NCAM2: variants seen among roughly 807,000 people sequenced by gnomAD.
NCAM2 encodes the protein neural cell adhesion molecule 2.
In NCAM2, 30 loss-of-function variants were observed where a neutral mutation model predicts 98.1. The observed-to-expected ratio is 0.31, with a 90% CI of 0.23 to 0.41. The LOEUF is 0.41. Among genes scored for constraint, NCAM2 ranks in the 10% least tolerant of loss-of-function variants. NCAM2 has a pLI of 1.00. For missense variants in NCAM2, 867 were observed against 1,005.8 expected (o/e 0.86, Z 1.87); for synonymous variants, 368 against 342.4 (o/e 1.07, Z -0.83).
At chr21:21,388,566 C>T (rs1291626759) in intron 9 of NCAM2, among the ~76,000 whole-genome samples, 1 of 152,124 alleles carries the variant, frequency 6.6e-6, no homozygotes, top group Non-Finnish European at 1.5e-5. Context: ...ATGTGCTGTC[C>T]AGTCCGGCAG....
intron 1 of NCAM2, among the ~76,000 whole-genome samples, chr21:21,073,895 A>G (rs924807699): frequency 2.6e-5 from 4 of 152,208 alleles, no homozygotes; most frequent in Admixed American, 6.5e-5. Flanking sequence ...ATGTTACAGA[A>G]GACGAACCTG....
chr21:21,306,406 T>C (rs2073880879), intron 5 of NCAM2, among the ~76,000 whole-genome samples: 1 of 152,192 alleles, frequency 6.6e-6, no homozygotes, highest in Non-Finnish European at 1.5e-5. Context: ...TCCTGATGAA[T>C]TGACGTCTTT....
chr21:21,508,740 T>C (rs1988148427), intron 15 of NCAM2, 111 bp from the exon 16 acceptor site: 1 of 837,028 alleles, frequency 1.2e-6, no homozygotes, highest in East Asian at 2.9e-5. Context: ...AATTGAATTA[T>C]TGGAAAAGAT....
intron 1 of NCAM2, among the ~76,000 whole-genome samples, chr21:21,054,256 A>C (rs994732621): frequency 1.3e-5 from 2 of 151,978 alleles, no homozygotes; most frequent in Non-Finnish European, 2.9e-5. Flanking sequence ...CGTAAGTACA[A>C]ATTTGTTGGT....
Position 21,477,487 on chromosome 21 carries a change from T to C in NCAM2, c.2077+16T>C. The C allele has an allele frequency of 6.4e-7, 1 of 1,563,960 alleles. No individual in the cohort carries two copies. Among genetic ancestry groups the C allele is most frequent in the Non-Finnish European group, 8.7e-7 (1 of 1,148,642 alleles). Reference sequence around the variant, plus strand: ...ATTATTAAAGGTAAGCAAAACTATATTCTTTTTTAGACTGAACAATAAATA... The same window carrying C: ...ATTATTAAAGGTAAGCAAAACTATACTCTTTTTTAGACTGAACAATAAATA... On this transcript the variant is annotated intron_variant, in intron 15 of 17. Coordinates refer to ENST00000400546, the MANE Select transcript of NCAM2 (RefSeq NM_004540.5).
chr21:21,494,908 T>G (rs886341461), intron 15 of NCAM2, among the ~76,000 whole-genome samples: 3 of 654 alleles, frequency 4.6e-3, no homozygotes, highest in African/African-American at 4.9e-3. Context: ...TTTTAGCCAA[T>G]TTTTTTCAAA....
At chr21:21,274,913 T>C (rs2072665979) in intron 1 of NCAM2, among the ~76,000 whole-genome samples, 1 of 152,146 alleles carries the variant, frequency 6.6e-6, no homozygotes. Flanking sequence ...TCATTTTAAA[T>C]GCCACTGCTA....
At chr21:21,096,894 G>A (rs1322458912) in intron 1 of NCAM2, among the ~76,000 whole-genome samples, 1 of 151,472 alleles carries the variant, frequency 6.6e-6, no homozygotes, top group Non-Finnish European at 1.5e-5. Context: ...TCTCATTTAT[G>A]CCAATGTCAG....
intron 1 of NCAM2, among the ~76,000 whole-genome samples, chr21:21,095,481 T>C (rs2066101992): frequency 8.2e-6 from 1 of 122,222 alleles, no homozygotes; most frequent in Non-Finnish European, 1.6e-5. Context: ...CAGATAATTT[T>C]ACCTTTTTAA....
chr21:21,207,563 G>A (rs2069489329), intron 1 of NCAM2, among the ~76,000 whole-genome samples: 1 of 151,614 alleles, frequency 6.6e-6, no homozygotes. Context: ...GAATTAATAA[G>A]GTCCTGACTA....
chr21:21,173,290 G>A (rs954327219), intron 1 of NCAM2, among the ~76,000 whole-genome samples: 1 of 152,190 alleles, frequency 6.6e-6, no homozygotes, highest in East Asian at 1.9e-4. Flanking sequence ...GGAATTAAAT[G>A]TGACAAGTAA....
chr21:21,400,146 G>C (rs1026721386), intron 9 of NCAM2, among the ~76,000 whole-genome samples: 1 of 152,134 alleles, frequency 6.6e-6, no homozygotes. Flanking sequence ...CTGGAAATAA[G>C]CTTGTCCTGA....
At chr21:21,139,536 A>G (rs2067125219) in intron 1 of NCAM2, among the ~76,000 whole-genome samples, 1 of 152,188 alleles carries the variant, frequency 6.6e-6, no homozygotes, top group Non-Finnish European at 1.5e-5. Context: ...TTAATATACA[A>G]ACTAACCAGG....
At chr21:21,122,229 T>C (rs1247952514) in intron 1 of NCAM2, among the ~76,000 whole-genome samples, 1 of 152,242 alleles carries the variant, frequency 6.6e-6, no homozygotes, top group Non-Finnish European at 1.5e-5. Flanking sequence ...TTTTAATATA[T>C]GATGCCATAT....
chr21:21,109,445 AT>A (rs2066412195), intron 1 of NCAM2, among the ~76,000 whole-genome samples: 1 of 152,176 alleles, frequency 6.6e-6, no homozygotes, highest in South Asian at 2.1e-4. Flanking sequence ...AAAATCAAAA[AT>A]AAAAAAGTAA....
intron 9 of NCAM2, among the ~76,000 whole-genome samples, chr21:21,376,695 C>T (rs1220457440): frequency 1.3e-5 from 2 of 151,692 alleles, no homozygotes; most frequent in Admixed American, 6.6e-5. Flanking sequence ...TTTTCAAGGA[C>T]TGATTTCTAA....
chr21:21,316,853 C>A (rs2074238616), intron 5 of NCAM2, among the ~76,000 whole-genome samples: 1 of 152,042 alleles, frequency 6.6e-6, no homozygotes, highest in Non-Finnish European at 1.5e-5. Flanking sequence ...CATATTTATT[C>A]TTGATATATA....
At chr21:21,087,813 C>G (rs948700654) in intron 1 of NCAM2, among the ~76,000 whole-genome samples, 2 of 152,090 alleles carry the variant, frequency 1.3e-5, no homozygotes, top group Non-Finnish European at 1.5e-5. Context: ...CCCTGGAAGG[C>G]TGAAATAATG....
At chr21:21,436,723 C>A (rs1276718893) in intron 12 of NCAM2, among the ~76,000 whole-genome samples, 1 of 151,450 alleles carries the variant, frequency 6.6e-6, no homozygotes, top group Non-Finnish European at 1.5e-5. Flanking sequence ...ATCCATTATA[C>A]ATCCCCTTCC....
Sources: allele counts gnomAD v4.1 joint callset (sites outside exome capture counted in the v4.1 genomes callset), GRCh38; gene constraint gnomAD v4.1.1; transcripts MANE v1.5; gene names NCBI Gene and HGNC (gene_info 2026-07-23, HGNC 2026-07-21).